Variants in ATP11B observed in about 807,000 individuals in gnomAD.
ATP11B encodes the protein ATPase phospholipid transporting 11B (putative).
Under a neutral mutation model 157.8 loss-of-function variants are expected in ATP11B, and 81 were observed. The ratio of observed to expected loss-of-function variants is 0.51; its 90% CI spans 0.43 to 0.62. The LOEUF (loss-of-function observed/expected upper bound fraction) is 0.62, where lower values mean the gene tolerates loss of function less well. ATP11B is among the 20% of genes least tolerant of loss of function. The pLI is 0.00. For missense variants in ATP11B, 1,165 were observed against 1,402.2 expected, an observed-to-expected ratio of 0.83 and a Z score of 2.70; for synonymous variants, 451 against 469.4, an observed-to-expected ratio of 0.96 and a Z score of 0.51.
chr3:182,849,128 G>A (rs1297174453), intron 10 of ATP11B, among the ~76,000 whole-genome samples: 1 of 152,204 alleles, frequency 6.6e-6, no homozygotes, highest in Non-Finnish European at 1.5e-5. Flanking sequence ...GCAATGAGAT[G>A]TAAGCTACAG....
intron 1 of ATP11B, among the ~76,000 whole-genome samples, chr3:182,812,728 A>G (rs1320029736): frequency 1.3e-5 from 2 of 152,236 alleles, no homozygotes; most frequent in Admixed American, 6.5e-5. Flanking sequence ...AATATACATA[A>G]TATAAAAGTT....
At chr3:182,861,602 A>C (rs548625052) in intron 12 of ATP11B, among the ~76,000 whole-genome samples, 4 of 152,320 alleles carry the variant, frequency 2.6e-5, no homozygotes, top group African/African-American at 9.6e-5. Context: ...CTCATAACAC[A>C]TGGTGAACTG....
intron 1 of ATP11B, among the ~76,000 whole-genome samples, chr3:182,812,636 A>G (rs762516457): frequency 7.9e-5 from 12 of 152,228 alleles, no homozygotes; most frequent in African/African-American, 2.9e-4. Flanking sequence ...TGGTTGAATT[A>G]TGGCCAAATA....
At chr3:182,915,907 A>C (rs1725109945) in intron 29 of ATP11B, 1 of 967,076 alleles carries the variant, frequency 1.0e-6, no homozygotes, top group Non-Finnish European at 1.2e-6. Context: ...CTTAGTAATT[A>C]ATATCATATT....
intron 25 of ATP11B, among the ~76,000 whole-genome samples, chr3:182,892,796 G>A (rs73054652): frequency 0.12 from 18,201 of 151,866 alleles, 1,216 homozygotes; most frequent in African/African-American, 0.18. Flanking sequence ...TGTATGACCT[G>A]CCTGAGTTCC....
chr3:182,816,382 G>T (rs1394998084), intron 1 of ATP11B, among the ~76,000 whole-genome samples: 1 of 152,042 alleles, frequency 6.6e-6, no homozygotes, highest in Non-Finnish European at 1.5e-5. Context: ...GAGTAGCCTG[G>T]GATAACAAGA....
At chr3:182,804,975 C>A (rs771374820) in intron 1 of ATP11B, among the ~76,000 whole-genome samples, 3 of 152,118 alleles carry the variant, frequency 2.0e-5, no homozygotes, top group Non-Finnish European at 2.9e-5. Flanking sequence ...CTTTTTATTG[C>A]CAAATAATAC....
chr3:182,882,333 A>G (rs1032070269), intron 21 of ATP11B, among the ~76,000 whole-genome samples: 1 of 151,642 alleles, frequency 6.6e-6, no homozygotes, highest in Non-Finnish European at 1.5e-5. Context: ...TTAAGGCTAT[A>G]AAAAAAATTA....
intron 19 of ATP11B, among the ~76,000 whole-genome samples, chr3:182,875,099 T>C (rs896721913): frequency 1.3e-5 from 2 of 152,178 alleles, no homozygotes. Flanking sequence ...CATATCAAAT[T>C]TTTGCCCTGT....
intron 10 of ATP11B, among the ~76,000 whole-genome samples, chr3:182,849,199 A>G (rs1719770416): frequency 2.0e-5 from 3 of 152,216 alleles, no homozygotes; most frequent in African/African-American, 7.2e-5. Context: ...TGACTGCTAG[A>G]ACTATACATG....
intron 29 of ATP11B, 170 bp from the exon 30 acceptor site, chr3:182,917,853 T>G: frequency 2.0e-6 from 2 of 980,616 alleles, no homozygotes; most frequent in Non-Finnish European, 2.4e-6. Flanking sequence ...AGTTTTTATA[T>G]AATATAAATA....
chr3:182,915,856 T>C (rs1725107023), intron 29 of ATP11B: 5 of 971,066 alleles, frequency 5.1e-6, no homozygotes, highest in Non-Finnish European at 4.9e-6. Flanking sequence ...CGCCATATTG[T>C]TTTTTTCTGA....
intron 8 of ATP11B, among the ~76,000 whole-genome samples, chr3:182,845,000 T>A (rs866081628): frequency 0.014 from 1,612 of 114,182 alleles, 45 homozygotes; most frequent in African/African-American, 0.055. Context: ...TTTTATTTTT[T>A]TTTTTATTTT....
At chr3:182,895,798 G>A (rs1008431010) in intron 25 of ATP11B, among the ~76,000 whole-genome samples, 1 of 152,174 alleles carries the variant, frequency 6.6e-6, no homozygotes, top group South Asian at 2.1e-4. Flanking sequence ...TGCCTGGCAG[G>A]ATATTGATAA....
intron 1 of ATP11B, among the ~76,000 whole-genome samples, chr3:182,819,150 C>G (rs1255662556): frequency 1.4e-5 from 2 of 147,978 alleles, no homozygotes; most frequent in African/African-American, 5.0e-5. Flanking sequence ...GATTTCGGCT[C>G]ACTGCAAGCT....
intron 12 of ATP11B, among the ~76,000 whole-genome samples, chr3:182,860,022 T>C (rs1274648532): frequency 6.6e-6 from 1 of 152,032 alleles, no homozygotes; most frequent in African/African-American, 2.4e-5. Flanking sequence ...TCTTTACTCT[T>C]TCTGGGCTTG....
chr3:182,796,878 A>G (rs571070900), intron 1 of ATP11B, among the ~76,000 whole-genome samples: 1 of 152,270 alleles, frequency 6.6e-6, no homozygotes, highest in Non-Finnish European at 1.5e-5. Flanking sequence ...ACACAAAAAC[A>G]GTATTACTAG....
intron 1 of ATP11B, among the ~76,000 whole-genome samples, chr3:182,816,806 C>T (rs1459116679): frequency 6.6e-6 from 1 of 152,186 alleles, no homozygotes; most frequent in East Asian, 1.9e-4. Context: ...CAGGGATTCA[C>T]AGAACTAAAG....
chr3:182,863,105 A>G lies in ATP11B; in HGVS notation c.1201-2351A>G, dbSNP rs2108538669. 1.3e-5 allele frequency among the ~76,000 whole-genome samples: 2 copies of G among 151,822 alleles called. 1 individual carries two copies. Among genetic ancestry groups the G allele is most frequent in the Admixed American group, 1.3e-4 (2 of 15,242 alleles). On this transcript the variant is annotated intron_variant, in intron 12 of 29. Coordinates refer to ENST00000323116, the MANE Select transcript of ATP11B (RefSeq NM_014616.3). ...CTAATTTTTTGTATTTTTAGTAGAG[A>G]TGGGGTTTCACCGTGGTCTCGATCT...
Sources: gnomAD v4.1 joint callset for allele counts (sites outside exome capture counted in the v4.1 genomes callset) on GRCh38, gnomAD v4.1.1 for gene constraint, MANE v1.5 for transcripts, NCBI Gene and HGNC (gene_info 2026-07-23, HGNC 2026-07-21) for gene names.